Variants in MBD5 observed in about 807,000 individuals in gnomAD.
MBD5 encodes the protein methyl-CpG-binding domain protein 5.
MBD5 carries 13 observed loss-of-function variants against 117.3 expected under a neutral mutation model. The observed-to-expected ratio is 0.11, with a 90% CI of 0.07 to 0.18. The LOEUF is 0.18. MBD5 is among the 10% of genes least tolerant of loss of function. MBD5 has a pLI of 1.00. For synonymous variants in MBD5, 727 were observed against 766.4 expected, an observed-to-expected ratio of 0.95 and a Z score of 0.85; for missense variants, 1,879 against 2,093.8, an observed-to-expected ratio of 0.90 and a Z score of 2.00.
At chr2:148,415,904 ACTT>A (rs1705402725) in intron 4 of MBD5, among the ~76,000 whole-genome samples, 1 of 152,076 alleles carries the variant, frequency 6.6e-6, no homozygotes, top group South Asian at 2.1e-4. Context: ...TTGCATTTCA[ACTT>A]CTCCTGAATC....
chr2:148,439,081 A>C (rs956642720), intron 4 of MBD5, among the ~76,000 whole-genome samples: 2 of 152,344 alleles, frequency 1.3e-5, no homozygotes, highest in East Asian at 3.9e-4. Context: ...AAAGACAAGA[A>C]CAAAGTAATA....
chr2:148,023,542 A>T (rs1333717341), intron 1 of MBD5, among the ~76,000 whole-genome samples: 2 of 152,200 alleles, frequency 1.3e-5, no homozygotes, highest in Non-Finnish European at 2.9e-5. Context: ...TGCCAAGTTC[A>T]AGTTTTTCTC....
chr2:148,202,439 A>T (rs1464623812), intron 2 of MBD5, among the ~76,000 whole-genome samples: 1 of 152,154 alleles, frequency 6.6e-6, no homozygotes, highest in African/African-American at 2.4e-5. Flanking sequence ...CTGTTGATTC[A>T]GCAAAAACAA....
At chr2:148,334,449 T>A (rs1015686838) in intron 3 of MBD5, among the ~76,000 whole-genome samples, 3 of 151,936 alleles carry the variant, frequency 2.0e-5, no homozygotes, top group African/African-American at 7.2e-5. Flanking sequence ...CCTCCTGCCT[T>A]AGTCCCCCAA....
chr2:148,023,803 AC>A (rs1430139607), intron 1 of MBD5, among the ~76,000 whole-genome samples: 1 of 150,900 alleles, frequency 6.6e-6, no homozygotes, highest in Non-Finnish European at 1.5e-5. Flanking sequence ...CACACCCCTC[AC>A]CCTCACCCCC....
chr2:148,469,539 A>C lies in MBD5; in HGVS notation c.1596A>C (p.Val532=), dbSNP rs114611333. 6.2e-7 allele frequency: 1 copy of C among 1,613,816 alleles called. No individual in the cohort carries two copies. The highest frequency in any genetic ancestry group is 8.5e-7 in the Non-Finnish European group (1 of 1,179,926). ...PNPLIAGISN[V]LNTPSSAAFP... ...CATTAATTGCTGGAATAAGTAATGT[A>C]CTAAATACCCCAAGCAGTGCAGCTT... Residue 532 remains valine, a synonymous_variant, in exon 8 of 14, where the codon GTA becomes GTC. Coordinates refer to ENST00000642680, the MANE Select transcript of MBD5 (RefSeq NM_001378120.1).
At chr2:148,065,664 A>G (rs145539618) in intron 1 of MBD5, among the ~76,000 whole-genome samples, 1 of 152,364 alleles carries the variant, frequency 6.6e-6, no homozygotes, top group African/African-American at 2.4e-5. Flanking sequence ...ATGACTGCCT[A>G]TCAGGTAAAC....
At chr2:148,498,955 TTA>T (rs1165677651) in intron 11 of MBD5, among the ~76,000 whole-genome samples, 1 of 152,154 alleles carries the variant, frequency 6.6e-6, no homozygotes, top group Non-Finnish European at 1.5e-5. Context: ...TGTTGAAGAA[TTA>T]TTATATCCAA....
chr2:148,051,191 G>A (rs572429316), intron 1 of MBD5, among the ~76,000 whole-genome samples: 15 of 152,158 alleles, frequency 9.9e-5, no homozygotes, highest in Middle Eastern at 3.4e-3. Context: ...ATTGTAAACA[G>A]AATTGTTTTC....
chr2:148,414,570 T>TCCCAGGC (rs1490321951), intron 4 of MBD5, among the ~76,000 whole-genome samples: 2 of 152,176 alleles, frequency 1.3e-5, no homozygotes, highest in Non-Finnish European at 2.9e-5. Flanking sequence ...TGTTGAAGTC[T>TCCCAGGC]CCCACTATTA....
chr2:148,179,801 G>T (rs1377454), intron 2 of MBD5, among the ~76,000 whole-genome samples: 61,169 of 152,010 alleles, frequency 0.4, 12,812 homozygotes, highest in South Asian at 0.53. Flanking sequence ...AGCCTGGAGA[G>T]TATGTGACCT....
At chr2:148,380,277 A>G (rs1704099350) in intron 4 of MBD5, among the ~76,000 whole-genome samples, 1 of 152,222 alleles carries the variant, frequency 6.6e-6, no homozygotes, top group African/African-American at 2.4e-5. Context: ...AGTATAATAA[A>G]TCTTAATATA....
At chr2:148,029,918 G>C (rs1693992941) in intron 1 of MBD5, among the ~76,000 whole-genome samples, 1 of 152,032 alleles carries the variant, frequency 6.6e-6, no homozygotes, top group Non-Finnish European at 1.5e-5. Flanking sequence ...ATGCATTGCT[G>C]GTAAAATGCT....
intron 2 of MBD5, among the ~76,000 whole-genome samples, chr2:148,200,373 C>T (rs79420989): frequency 6.6e-6 from 1 of 152,118 alleles, no homozygotes; most frequent in Non-Finnish European, 1.5e-5. Context: ...AAGTCTAATT[C>T]AGACTTAAGT....
intron 3 of MBD5, among the ~76,000 whole-genome samples, chr2:148,248,549 C>T (rs1700390691): frequency 6.6e-6 from 1 of 151,968 alleles, no homozygotes; most frequent in Non-Finnish European, 1.5e-5. Context: ...AAATTAAAAA[C>T]CAAGGCATCA....
rs183066459 is a variant in MBD5 at position 148,502,291 on chromosome 2, G to A, written c.4963-145G>A. On this transcript the variant is annotated intron_variant, in intron 11 of 13. Transcript: ENST00000642680. ...CAGAATCAACCTCTAATGATTGAGTGAGGACAGAAGATTTGACAAGGTAGT... is the reference window on the plus strand; with the variant it reads ...CAGAATCAACCTCTAATGATTGAGTAAGGACAGAAGATTTGACAAGGTAGT... 7 of 733,818 alleles carry A rather than the reference G, an allele frequency of 9.5e-6. No individual in the cohort carries two copies. The African/African-American group carries it at 1.0e-4, about 11-fold the overall frequency. 45.5% of individuals were successfully genotyped at this position (733,818 alleles called of 1,614,324 possible). A position where few individuals can be genotyped will look rare whatever the true frequency, so the allele number is the denominator to read the frequency against.
At chr2:148,107,935 A>T (rs937482596) in intron 1 of MBD5, among the ~76,000 whole-genome samples, 3 of 152,204 alleles carry the variant, frequency 2.0e-5, no homozygotes, top group African/African-American at 7.2e-5. Context: ...CAGTATTAGT[A>T]CAATACTATT....
chr2:148,436,770 C>A (rs1006041149), intron 4 of MBD5, among the ~76,000 whole-genome samples: 2 of 151,872 alleles, frequency 1.3e-5, no homozygotes, highest in African/African-American at 4.8e-5. Context: ...ATGTTGGCTA[C>A]AACATTTAAA....
At chr2:148,289,157 A>G (rs1701440116) in intron 3 of MBD5, among the ~76,000 whole-genome samples, 1 of 152,172 alleles carries the variant, frequency 6.6e-6, no homozygotes, top group Admixed American at 6.5e-5. Context: ...TAGTTTTTTT[A>G]TTTGACTCAA....
Sources: allele counts gnomAD v4.1 joint callset (sites outside exome capture counted in the v4.1 genomes callset), GRCh38; gene constraint gnomAD v4.1.1; transcripts MANE v1.5; gene names NCBI Gene and HGNC (gene_info 2026-07-23, HGNC 2026-07-21).